Variants in VEZT observed in about 807,000 individuals in gnomAD.
VEZT encodes the protein vezatin.
A neutral mutation model predicts 79.9 loss-of-function variants in VEZT; 39 were observed. The observed-to-expected ratio is 0.49, with a 90% CI of 0.38 to 0.64. The LOEUF is 0.64. Ranked by LOEUF, VEZT falls within the 30% of genes least tolerant of loss-of-function variation. The probability of loss-of-function intolerance (pLI) is 0.00; values close to 1 mark genes in which losing one functional copy is unlikely to be tolerated. For synonymous variants in VEZT, 325 were observed against 327.6 expected (o/e 0.99, Z 0.09); for missense variants, 837 against 893.1 (o/e 0.94, Z 0.80).
intron 8 of VEZT, among the ~76,000 whole-genome samples, chr12:95,283,539 A>G (rs530185321): frequency 6.6e-6 from 1 of 152,352 alleles, no homozygotes; most frequent in African/African-American, 2.4e-5. Context: ...GATTATGTAA[A>G]TAAGAATGGG....
chr12:95,283,944 G>A (rs772664749), intron 8 of VEZT, among the ~76,000 whole-genome samples: 37 of 152,218 alleles, frequency 2.4e-4, no homozygotes, highest in Non-Finnish European at 4.4e-4. Flanking sequence ...TCAGTGGACA[G>A]GTTGTAGGCA....
At chr12:95,289,136 G>C (rs1389143935) in intron 9 of VEZT, among the ~76,000 whole-genome samples, 1 of 142,288 alleles carries the variant, frequency 7.0e-6, no homozygotes, top group Non-Finnish European at 1.5e-5. Flanking sequence ...AAATAAAAAA[G>C]GCCAGGCTCA....
At chr12:95,260,009 A>G (rs2064113665) in intron 3 of VEZT, among the ~76,000 whole-genome samples, 1 of 152,048 alleles carries the variant, frequency 6.6e-6, no homozygotes, top group Admixed American at 6.6e-5. Flanking sequence ...TCTAATCACT[A>G]AGATAACATT....
chr12:95,287,157 C>T (rs2071155755), intron 8 of VEZT, among the ~76,000 whole-genome samples: 1 of 152,062 alleles, frequency 6.6e-6, no homozygotes, highest in African/African-American at 2.4e-5. Context: ...ATGTAATACT[C>T]TTTATAAGCT....
At position 95,259,920 on chromosome 12, in the gene VEZT, C is replaced by T. The variant is rs112991223; in HGVS notation, c.258+2681C>T. ...TTACATTTTATCCTTAAGAAAGAAA[C>T]TTAATTCATTAATCTGATTCAATTT... is the stretch of plus-strand genomic sequence containing the variant. On this transcript the variant is annotated intron_variant, in intron 3 of 11. Transcript: ENST00000436874. Among the ~76,000 whole-genome samples the T allele has an allele frequency of 9.1e-4, 138 of 152,148 alleles. 2 individuals carry two copies. The highest frequency in any genetic ancestry group is 3.3e-3 in the African/African-American group (135 of 41,488).
chr12:95,236,405 A>AG (rs1344146526), intron 1 of VEZT, among the ~76,000 whole-genome samples: 5 of 152,048 alleles, frequency 3.3e-5, no homozygotes, highest in Non-Finnish European at 7.4e-5. Context: ...CATCAGAGGG[A>AG]GACCGTGGAA....
chr12:95,281,550 ATT>A (rs35223035), intron 7 of VEZT, among the ~76,000 whole-genome samples: 150 of 145,310 alleles, frequency 1.0e-3, no homozygotes, highest in Middle Eastern at 3.5e-3. Context: ...TGGAGTATTG[ATT>A]TTTTTTTTTT....
rs892360729 is a variant in VEZT at position 95,252,347 on chromosome 12, A to G, written c.168+276A>G. The G allele has an allele frequency of 2.6e-5, 6 of 228,070 alleles. No individual in the cohort carries two copies. The South Asian group carries it at 5.1e-4, about 19-fold the overall frequency. The allele number at this position is 228,070 out of a possible 1,614,324, so 14.1% of individuals were successfully genotyped here. The stretch of plus-strand genomic sequence containing the variant: ...CTATCCAAACAGAATCGAAAAAAAT[A>G]TACTAAAACTTTAATGAGAGCACAA... On this transcript the variant is annotated intron_variant, in intron 2 of 11. Transcript: ENST00000436874.
At chr12:95,260,342 G>A (rs530118261) in intron 3 of VEZT, among the ~76,000 whole-genome samples, 1 of 152,216 alleles carries the variant, frequency 6.6e-6, no homozygotes, top group Non-Finnish European at 1.5e-5. Context: ...TTGGCCTCAA[G>A]TGATCTGCCC....
At chr12:95,241,372 G>T (rs555229477) in intron 1 of VEZT, among the ~76,000 whole-genome samples, 1 of 151,994 alleles carries the variant, frequency 6.6e-6, no homozygotes, top group East Asian at 1.9e-4. Context: ...GACGAGTCTT[G>T]CATGGCTTAC....
chr12:95,249,456 A>G (rs964368221), intron 1 of VEZT, among the ~76,000 whole-genome samples: 3 of 152,244 alleles, frequency 2.0e-5, no homozygotes, highest in African/African-American at 7.2e-5. Flanking sequence ...ATTATGGGTG[A>G]TATCAAGATT....
chr12:95,250,132 G>C (rs1235920888), intron 1 of VEZT, among the ~76,000 whole-genome samples: 1 of 146,664 alleles, frequency 6.8e-6, no homozygotes, highest in African/African-American at 2.5e-5. Context: ...AGTTACATAT[G>C]TATACATGTG....
At chr12:95,245,541 G>T in intron 1 of VEZT, 1 of 456,714 alleles carries the variant, frequency 2.2e-6, no homozygotes, top group Non-Finnish European at 4.4e-6. Context: ...GCCTGACATG[G>T]AAGATGTTCA....
At chr12:95,235,573 G>A (rs1179189599) in intron 1 of VEZT, among the ~76,000 whole-genome samples, 1 of 142,748 alleles carries the variant, frequency 7.0e-6, no homozygotes, top group African/African-American at 2.6e-5. Context: ...CGGACGGGGC[G>A]GCTGGCCGGG....
chr12:95,234,290 T>C (rs954452678), intron 1 of VEZT, among the ~76,000 whole-genome samples: 6 of 150,272 alleles, frequency 4.0e-5, no homozygotes, highest in Non-Finnish European at 8.9e-5. Flanking sequence ...TAATCTTTTT[T>C]TTTTTTTTTT....
At chr12:95,246,921 A>G (rs1407559022) in intron 1 of VEZT, among the ~76,000 whole-genome samples, 1 of 152,246 alleles carries the variant, frequency 6.6e-6, no homozygotes, top group Non-Finnish European at 1.5e-5. Flanking sequence ...TACCCTCTGC[A>G]CAAAAACACC....
chr12:95,270,001 G>C (rs1257455104), intron 5 of VEZT, 50 bp from the exon 6 acceptor site: 1 of 1,569,454 alleles, frequency 6.4e-7, no homozygotes, highest in Non-Finnish European at 8.6e-7. Flanking sequence ...AAAAACTTTA[G>C]GACACCTGTA....
intron 1 of VEZT, among the ~76,000 whole-genome samples, chr12:95,234,160 G>C (rs1409795694): frequency 2.0e-5 from 3 of 151,512 alleles, no homozygotes; most frequent in South Asian, 2.1e-4. Flanking sequence ...TTTTTTCTTT[G>C]AACTGCTTCT....
chr12:95,264,277 A>G (rs1452741643), intron 4 of VEZT, among the ~76,000 whole-genome samples: 1 of 152,212 alleles, frequency 6.6e-6, no homozygotes, highest in Non-Finnish European at 1.5e-5. Context: ...CTACTTTACT[A>G]ACTTTCCTTT....
Sources: gnomAD v4.1 joint callset for allele counts (sites outside exome capture counted in the v4.1 genomes callset) on GRCh38, gnomAD v4.1.1 for gene constraint, MANE v1.5 for transcripts, NCBI Gene and HGNC (gene_info 2026-07-23, HGNC 2026-07-21) for gene names.